KMO: variants seen among roughly 807,000 people sequenced by gnomAD.
KMO encodes the protein kynurenine 3-hydroxylase.
Under a neutral mutation model 57.8 loss-of-function variants are expected in KMO, and 24 were observed. The ratio of observed to expected loss-of-function variants is 0.42; its 90% CI spans 0.30 to 0.58. The LOEUF is 0.58. KMO is among the 20% of genes least tolerant of loss of function. The pLI is 0.22. For missense variants in KMO, 483 were observed against 588.2 expected (o/e 0.82, Z 1.85); for synonymous variants, 210 against 193.6 (o/e 1.08, Z -0.70).
chr1:241,576,785 A>G (rs956843931), intron 10 of KMO, among the ~76,000 whole-genome samples: 15 of 152,128 alleles, frequency 9.9e-5, no homozygotes, highest in Admixed American at 4.6e-4. Flanking sequence ...GTATTTGCAT[A>G]TCTCAATCTG....
At chr1:241,541,471 A>T (rs1426025388) in intron 1 of KMO, among the ~76,000 whole-genome samples, 1 of 152,154 alleles carries the variant, frequency 6.6e-6, no homozygotes, top group Non-Finnish European at 1.5e-5. Context: ...TGAGAGGGAG[A>T]TGCCTATAGA....
chr1:241,546,729 G>A (rs942637255), intron 1 of KMO, among the ~76,000 whole-genome samples: 2 of 152,188 alleles, frequency 1.3e-5, no homozygotes, highest in African/African-American at 2.4e-5. Context: ...GGCGATGATC[G>A]CAAGTTTCAA....
intron 4 of KMO, 35 bp downstream of exon 4, chr1:241,551,079 A>G (rs1661376658): frequency 8.3e-7 from 1 of 1,202,734 alleles, no homozygotes; most frequent in African/African-American, 1.6e-5. Context: ...TGCATTGATT[A>G]TAAGGAAGTC....
At chr1:241,575,434 T>C (rs1170996856) in intron 10 of KMO, among the ~76,000 whole-genome samples, 3 of 152,092 alleles carry the variant, frequency 2.0e-5, no homozygotes, top group Non-Finnish European at 1.5e-5. Context: ...GGATTGTTTT[T>C]GCTGTAACCC....
intron 7 of KMO, among the ~76,000 whole-genome samples, chr1:241,563,314 T>C (rs1041367669): frequency 2.0e-5 from 3 of 152,204 alleles, no homozygotes; most frequent in South Asian, 2.1e-4. Flanking sequence ...CTTATAAGTA[T>C]GGATATGCAA....
chr1:241,538,435 A>C (rs1660825334), intron 1 of KMO, among the ~76,000 whole-genome samples: 1 of 152,230 alleles, frequency 6.6e-6, no homozygotes, highest in Admixed American at 6.5e-5. Flanking sequence ...ACAAAAACAA[A>C]AACTTTAAGC....
intron 8 of KMO, 72 bp from the exon 9 acceptor site, chr1:241,566,419 T>C: frequency 3.9e-6 from 6 of 1,520,830 alleles, no homozygotes; most frequent in Non-Finnish European, 5.3e-6. Flanking sequence ...AGTCTTGTGA[T>C]TTCAGGAGCC....
chr1:241,575,959 GT>G (rs1662498945), intron 10 of KMO, among the ~76,000 whole-genome samples: 1 of 150,126 alleles, frequency 6.7e-6, no homozygotes, highest in Non-Finnish European at 1.5e-5. Flanking sequence ...GTGCCTATAA[GT>G]TTAGGATTGT....
At chr1:241,559,326 G>T (rs745333395) in intron 5 of KMO, among the ~76,000 whole-genome samples, 3 of 152,122 alleles carry the variant, frequency 2.0e-5, no homozygotes, top group Non-Finnish European at 4.4e-5. Context: ...AGAGTATTCA[G>T]CATTACTCTA....
intron 10 of KMO, among the ~76,000 whole-genome samples, chr1:241,585,248 TTA>T (rs1190914593): frequency 1.5e-4 from 17 of 116,770 alleles, no homozygotes; most frequent in African/African-American, 3.8e-4. Context: ...TAATTAATAA[TTA>T]AATTAAATTA....
chr1:241,534,237 T>TA (rs1660677380), intron 1 of KMO, among the ~76,000 whole-genome samples: 1 of 152,194 alleles, frequency 6.6e-6, no homozygotes, highest in African/African-American at 2.4e-5. Context: ...AGGAGGCTGT[T>TA]ACGTTAGCTC....
At chr1:241,565,367 A>T (rs1388507635) in intron 8 of KMO, among the ~76,000 whole-genome samples, 1 of 152,130 alleles carries the variant, frequency 6.6e-6, no homozygotes, top group Non-Finnish European at 1.5e-5. Flanking sequence ...GATTTAGGTT[A>T]TCTATCAGGA....
intron 1 of KMO, among the ~76,000 whole-genome samples, chr1:241,533,948 C>T (rs1405053836): frequency 6.6e-6 from 1 of 152,154 alleles, no homozygotes. Context: ...GGAAGAGAAA[C>T]CCTCAGGCAA....
rs1287628706 is a variant in KMO at position 241,595,079 on chromosome 1, A to G, written c.*2926A>G. On this transcript the variant is annotated 3_prime_UTR_variant, in exon 15 of 15. Transcript: ENST00000366559. The stretch of plus-strand genomic sequence containing the variant: ...TAGAGACTTTTTACTATAAGCATCA[A>G]AAACAGATAAGGCTCTTCCTGGCAG... The G allele has an allele frequency of 6.2e-6, 1 of 161,308 alleles. No homozygotes were observed. Among genetic ancestry groups the G allele is most frequent in the African/African-American group, 2.4e-5 (1 of 41,684 alleles). The allele number at this position is 161,308 out of a possible 1,614,324, so 10.0% of individuals were successfully genotyped here. A position where few individuals can be genotyped will look rare whatever the true frequency, so the allele number is the denominator to read the frequency against.
At chr1:241,547,570 C>T (rs546866514) in intron 1 of KMO, among the ~76,000 whole-genome samples, 26 of 147,950 alleles carry the variant, frequency 1.8e-4, no homozygotes, top group African/African-American at 4.2e-4. Context: ...GGTGACAGAG[C>T]GAGACTCTGT....
intron 3 of KMO, among the ~76,000 whole-genome samples, chr1:241,550,276 C>A (rs6660201): frequency 1.3e-5 from 2 of 151,916 alleles, no homozygotes; most frequent in Non-Finnish European, 2.9e-5. Flanking sequence ...GATTATGGGG[C>A]GGGTTTATGT....
intron 10 of KMO, among the ~76,000 whole-genome samples, chr1:241,573,143 G>A (rs540264084): frequency 1.3e-5 from 2 of 152,024 alleles, no homozygotes; most frequent in African/African-American, 4.8e-5. Flanking sequence ...TTGTATTTTT[G>A]TACAGTTTGT....
rs1048983560 is a variant in KMO, at chr1:241,591,563, C to T, written c.1261-390C>T. On this transcript the variant is annotated intron_variant, in intron 14 of 14. Transcript: ENST00000366559. ...CTTAGTCACAGAGGCCACCAGGCCA[C>T]CACTCTTCTCCTGGAGACTTTTGGG... 2.4e-4 allele frequency among the ~76,000 whole-genome samples: 37 copies of T among 152,202 alleles called. 1 individual carries two copies. The highest frequency in any genetic ancestry group is 3.9e-4 in the Admixed American group (6 of 15,286).
At chr1:241,574,694 T>G (rs1043021360) in intron 10 of KMO, among the ~76,000 whole-genome samples, 4 of 152,064 alleles carry the variant, frequency 2.6e-5, no homozygotes, top group Non-Finnish European at 5.9e-5. Flanking sequence ...GATTTTGCAC[T>G]GATGTTCATC....
Sources: gnomAD v4.1 joint callset for allele counts (sites outside exome capture counted in the v4.1 genomes callset) on GRCh38, gnomAD v4.1.1 for gene constraint, MANE v1.5 for transcripts, NCBI Gene and HGNC (gene_info 2026-07-23, HGNC 2026-07-21) for gene names.